BSG: variants seen among roughly 807,000 people sequenced by gnomAD.
BSG encodes basigin (Ok blood group), also known as basigin.
BSG carries 37 observed loss-of-function variants against 43.1 expected under a neutral mutation model. The ratio of observed to expected loss-of-function variants is 0.86; its 90% CI spans 0.66 to 1.13. BSG has a LOEUF of 1.13. BSG is among the 50% of genes most tolerant of loss of function. The pLI, the probability that BSG is intolerant of heterozygous loss-of-function variation, is 0.00. For synonymous variants in BSG, 309 were observed against 238.7 expected, an observed-to-expected ratio of 1.29 and a Z score of -2.72; for missense variants, 599 against 554.2, an observed-to-expected ratio of 1.08 and a Z score of -0.81.
upstream of BSG, chr19:571,361 C>G (rs28989770): frequency 3.3e-6 from 2 of 603,192 alleles, no homozygotes; most frequent in Non-Finnish European, 5.9e-6. Flanking sequence ...ATTGCGACTC[C>G]GAGTTTAACT....
At chr19:571,358 C>T (rs914185478), upstream of BSG, 6 of 603,488 alleles carry the variant, frequency 9.9e-6, no homozygotes, top group South Asian at 1.2e-4. Flanking sequence ...TGCATTGCGA[C>T]TCCGAGTTTA....
In BSG at chr19:581,516, G is replaced by A. The variant is rs1707860629; in HGVS notation, c.994G>A (p.Val332Met). The change falls in exon 6 of 9, where the codon GTG (valine) becomes ATG (methionine). Residue 332 changes from valine (V) to methionine (M), a missense_variant. Physicochemically the swap from Val to Met is conservative, Grantham distance 21. Transcript: ENST00000333511. ...CGCCCTCTGGCCCTTCCTGGGCATC[G>A]TGGCTGAGGTGCTGGTGCTGGTCAC... is the stretch of plus-strand genomic sequence containing the variant. ...LAALWPFLGI[V>M]AEVLVLVTII... is the part of the protein sequence containing the mutation. The A allele has an allele frequency of 3.1e-6, 5 of 1,596,284 alleles. No homozygotes were observed. The highest frequency in any genetic ancestry group is 2.3e-5 in the East Asian group (1 of 43,796).
intron 1 of BSG, among the ~76,000 whole-genome samples, chr19:577,140 C>G (rs760232056): frequency 6.6e-6 from 1 of 152,178 alleles, no homozygotes; most frequent in Non-Finnish European, 1.5e-5. Context: ...CTGCTGTGCT[C>G]CTTGGCAGCT....
intron 4 of BSG, 79 bp from the exon 5 acceptor site, chr19:580,562 TGGAGG>T: frequency 6.2e-7 from 1 of 1,603,862 alleles, no homozygotes; most frequent in Non-Finnish European, 8.5e-7. Context: ...CCCTGCTCCC[TGGAGG>T]GGAACAGCCC....
At chr19:572,820 A>G in intron 1 of BSG, 119 bp downstream of exon 1, 2 of 1,183,478 alleles carry the variant, frequency 1.7e-6, no homozygotes, top group East Asian at 6.5e-5. Flanking sequence ...TGGGGTGCGA[A>G]AGGCCGGCCC....
chr19:572,727 T>G (rs1442418954), intron 1 of BSG, 26 bp downstream of exon 1: 5 of 1,454,976 alleles, frequency 3.4e-6, no homozygotes, highest in African/African-American at 1.5e-5. Context: ...GGGGCGGGGG[T>G]GCGGTCCTGC....
chr19:575,590 G>C lies in BSG; in HGVS notation c.68-2184G>C, dbSNP rs1032231358. Among the ~76,000 whole-genome samples, 16 of 137,686 alleles carry C rather than the reference G, an allele frequency of 1.2e-4. No individual in the cohort carries two copies. The Admixed American group carries it at 1.2e-3, about 11-fold the overall frequency. The allele number at this position is 137,686 out of a possible 152,430, so 90.3% of individuals were successfully genotyped here. On this transcript the variant is annotated intron_variant, in intron 1 of 8. Transcript: ENST00000333511. The stretch of plus-strand genomic sequence containing the variant: ...CCCAGAGCTGTTCTCGCTGGCTGCT[G>C]TCTGAGCACTGGGGTGGGTGGGGAG...
In BSG at chr19:578,834, G is replaced by A. The variant is rs183656586; in HGVS notation, c.416-666G>A. ...CAACTTCCGCCTCCCGGGTTCAAGC[G>A]ATTCTTCTGCCTCAGCCTCCTGAGT... On this transcript the variant is annotated intron_variant, in intron 2 of 8. Transcript: ENST00000333511. 13 of 353,910 alleles carry A rather than the reference G, an allele frequency of 3.7e-5. No homozygotes were observed. The East Asian group carries it at 6.2e-4, about 17-fold the overall frequency. The allele number at this position is 353,910 out of a possible 1,614,324, so 21.9% of individuals were successfully genotyped here. A position where few individuals can be genotyped will look rare whatever the true frequency, so the allele number is the denominator to read the frequency against.
Position 582,307 on chromosome 19 carries a change from TGAC to T in BSG, c.1076_1078del (p.Asp359del), listed in dbSNP as rs770770103. 7.5e-6 allele frequency: 12 copies of T among 1,602,922 alleles called. No homozygotes were observed. Among genetic ancestry groups the T allele is most frequent in the African/African-American group, 2.7e-5 (2 of 73,910 alleles). ...TTCATGGCGGCGGTCCTTCTTCAGA[TGAC>T]GACGCCGGCTCTGCACCCCTGTAAG... On this transcript the variant is annotated inframe_deletion and splice_region_variant, in exon 7 of 9. Transcript: ENST00000333511.
intron 6 of BSG, among the ~76,000 whole-genome samples, chr19:582,013 G>T (rs568077701): frequency 6.6e-6 from 1 of 152,266 alleles, no homozygotes; most frequent in Non-Finnish European, 1.5e-5. Context: ...GGCGAGGCCT[G>T]TGTGGGGCCT....
At position 582,496 on chromosome 19, in the gene BSG, C is replaced by T. The variant is rs774856015; in HGVS notation, c.1095-18C>T. 24 of 1,606,410 alleles carry T rather than the reference C, an allele frequency of 1.5e-5. No individual in the cohort carries two copies. Among genetic ancestry groups the T allele is most frequent in the Admixed American group, 1.2e-4 (7 of 59,116 alleles). ...GACTTGCGGGGGACACCCTCTCACC[C>T]GGCCCCTCGTGCCCCAGGAAGAGCA... On this transcript the variant is annotated intron_variant, in intron 7 of 8. Transcript: ENST00000333511.
At chr19:576,644 C>G (rs2145891533) in intron 1 of BSG, among the ~76,000 whole-genome samples, 1 of 152,152 alleles carries the variant, frequency 6.6e-6, no homozygotes, top group East Asian at 1.9e-4. Context: ...ACCTGTAATC[C>G]CAGCTACTTG....
At chr19:571,629 G>T (rs1436769393), upstream of BSG, 5 of 778,876 alleles carry the variant, frequency 6.4e-6, no homozygotes, top group Non-Finnish European at 1.2e-5. Context: ...TGGGATATTT[G>T]GGGGCGGCGA....
chr19:576,768 A>AGAG lies in BSG; in HGVS notation c.68-1002_68-1000dup, dbSNP rs146356423. Among the ~76,000 whole-genome samples, 13 of 149,732 alleles carry AGAG rather than the reference A, an allele frequency of 8.7e-5. No homozygotes were observed. The East Asian group carries it at 2.4e-3, about 27-fold the overall frequency. ...TGTCTCAAAAAAAAAAAAAAGAAGA[A>AGAG]GAGGAGAAAGAAAATGGCGCTGCCA... On this transcript the variant is annotated intron_variant, in intron 1 of 8. Coordinates refer to ENST00000333511, the MANE Select transcript of BSG (RefSeq NM_001728.4).
At chr19:580,531 G>A in intron 4 of BSG, 70 bp downstream of exon 4, 1 of 1,604,260 alleles carries the variant, frequency 6.2e-7, no homozygotes. Context: ...GAGGCACCCG[G>A]CACATCCCAG....
intron 6 of BSG, among the ~76,000 whole-genome samples, chr19:581,816 G>A (rs1476424573): frequency 6.6e-6 from 1 of 152,230 alleles, no homozygotes; most frequent in Non-Finnish European, 1.5e-5. Flanking sequence ...CGGCACCTCC[G>A]CCCCACAGCC....
At chr19:582,460 T>A in intron 7 of BSG, 54 bp from the exon 8 acceptor site, 4 of 1,599,620 alleles carry the variant, frequency 2.5e-6, no homozygotes, top group Non-Finnish European at 3.4e-6. Flanking sequence ...CAGGGGTGAC[T>A]TGGAGAGAGT....
Position 577,996 on chromosome 19 carries a change from C to G in BSG, c.290C>G (p.Thr97Arg). The G allele has an allele frequency of 2.5e-6, 4 of 1,612,164 alleles. No individual in the cohort carries two copies. The highest frequency in any genetic ancestry group is 3.4e-6 in the Non-Finnish European group (4 of 1,179,660). The change falls in exon 2 of 9, where the codon ACG becomes AGG. Residue 97 changes from threonine to arginine, a missense_variant. Transcript: ENST00000333511. ...QHAASTISID[T>R]LVEEDTGTYE... ...GCGGCCAGCACCATCTCCATCGACA[C>G]GCTCGTGGAGGAGGACACGGGCACT... is the stretch of plus-strand genomic sequence containing the variant.
At chr19:582,249 C>A in intron 6 of BSG, 57 bp from the exon 7 acceptor site, 1 of 1,598,836 alleles carries the variant, frequency 6.3e-7, no homozygotes, top group East Asian at 2.2e-5. Context: ...CTGAGTGGGG[C>A]CAGTGCTGAC....
Sources: allele counts gnomAD v4.1 joint callset (sites outside exome capture counted in the v4.1 genomes callset), GRCh38; gene constraint gnomAD v4.1.1; transcripts MANE v1.5; gene names NCBI Gene and HGNC (gene_info 2026-07-23, HGNC 2026-07-21).